Variants in NDRG2 observed in about 807,000 individuals in gnomAD.
NDRG2 encodes the protein NDRG family member 2.
In NDRG2, 34 loss-of-function variants were observed where a neutral mutation model predicts 58.2. The ratio of observed to expected loss-of-function variants is 0.58; its 90% CI spans 0.44 to 0.78. The LOEUF is 0.78. Ranked by LOEUF, NDRG2 falls within the 30% of genes least tolerant of loss-of-function variation. The pLI is 0.00. For missense variants in NDRG2, 434 were observed against 471.2 expected (o/e 0.92, Z 0.73); for synonymous variants, 187 against 175.9 (o/e 1.06, Z -0.50).
chr14:21,033,154 G>A, intron 1 of NDRG2: 1 of 375,404 alleles, frequency 2.7e-6, no homozygotes, highest in Non-Finnish European at 5.2e-6. Flanking sequence ...GAAAAAGGAA[G>A]GCAGGGTGAC....
At chr14:21,047,226 A>G (rs1341059457) in intron 1 of NDRG2, among the ~76,000 whole-genome samples, 1 of 152,216 alleles carries the variant, frequency 6.6e-6, no homozygotes. Flanking sequence ...ATAAATACCC[A>G]TTTATACTTC....
At chr14:21,047,121 ATT>A (rs1566499349) in intron 1 of NDRG2, among the ~76,000 whole-genome samples, 2 of 152,178 alleles carry the variant, frequency 1.3e-5, no homozygotes, top group East Asian at 3.8e-4. Context: ...CTAATTTCCT[ATT>A]TTTTAACCAT....
At chr14:21,019,545 C>T in intron 10 of NDRG2, 94 bp downstream of exon 10, 1 of 821,604 alleles carries the variant, frequency 1.2e-6, no homozygotes, top group Non-Finnish European at 2.0e-6. Context: ...TTGCACACTA[C>T]CCAGACTTCC....
At chr14:21,061,401 T>C (rs1885952381) in intron 1 of NDRG2, among the ~76,000 whole-genome samples, 1 of 152,164 alleles carries the variant, frequency 6.6e-6, no homozygotes, top group African/African-American at 2.4e-5. Context: ...TCTGACTTCC[T>C]TGTGTAGGCT....
chr14:21,030,661 A>G, upstream of NDRG2: 1 of 1,614,140 alleles, frequency 6.2e-7, no homozygotes, highest in South Asian at 1.1e-5. Context: ...GAAATGAACA[A>G]CAAGAACTTC....
chr14:21,022,894 T>C lies in NDRG2; in HGVS notation c.87A>G (p.Leu29=), dbSNP rs1566470856. Residue 29 remains leucine (L), a synonymous_variant, in exon 3 of 16, where the codon TTA becomes TTG. Coordinates refer to ENST00000556147, the MANE Select transcript of NDRG2 (RefSeq NM_001320329.2). ...QTPEAAKEAE[L]AARILLDQGQ... The stretch of plus-strand genomic sequence containing the variant: ...CCTGGTCCAGGAGGATTCGGGCAGC[T>C]AACTCAGCCTCCTGGAGAGACACAC... 3.7e-6 allele frequency: 6 copies of C among 1,614,018 alleles called. No homozygotes were observed. Among genetic ancestry groups the C allele is most frequent in the Non-Finnish European group, 5.1e-6 (6 of 1,179,968 alleles).
chr14:21,032,786 A>G (rs1274825171), intron 1 of NDRG2: 1 of 372,510 alleles, frequency 2.7e-6, no homozygotes, highest in East Asian at 7.4e-5. Context: ...GGTGCACTGA[A>G]GAAAAAGCAA....
chr14:21,027,394 C>T (rs1352969236), upstream of NDRG2, among the ~76,000 whole-genome samples: 1 of 152,000 alleles, frequency 6.6e-6, no homozygotes, highest in East Asian at 1.9e-4. Context: ...CATCTGGTCA[C>T]ACCCTCTCTA....
intron 11 of NDRG2, 123 bp from the exon 12 acceptor site, chr14:21,018,937 G>A: frequency 1.5e-6 from 2 of 1,342,460 alleles, no homozygotes; most frequent in Non-Finnish European, 2.1e-6. Context: ...GTGTCTCCCT[G>A]CTGATGCCAC....
chr14:21,023,083 C>T lies in NDRG2; in HGVS notation c.75+158G>A. On this transcript the variant is annotated intron_variant, in intron 2 of 15. Coordinates refer to ENST00000556147, the MANE Select transcript of NDRG2 (RefSeq NM_001320329.2). ...GGTTAGTGTAGTGACGAGACAAGGGCCTGACTCCCAATTATAGTGTATGGG... is the reference window on the plus strand; with the variant it reads ...GGTTAGTGTAGTGACGAGACAAGGGTCTGACTCCCAATTATAGTGTATGGG... The T allele has an allele frequency of 3.3e-6, 3 of 912,538 alleles. No homozygotes were observed. In the South Asian group the frequency reaches 4.6e-5, roughly 14 times the overall value. 56.5% of individuals were successfully genotyped at this position (912,538 alleles called of 1,614,324 possible).
chr14:21,022,686 T>C (rs953093314), intron 3 of NDRG2, 178 bp downstream of exon 3: 7 of 662,560 alleles, frequency 1.1e-5, no homozygotes, highest in Non-Finnish European at 1.8e-5. Flanking sequence ...GAAAGAATAA[T>C]GAAGATTAGA....
chr14:21,030,612 C>G (rs139355625), upstream of NDRG2: 1 of 1,613,894 alleles, frequency 6.2e-7, no homozygotes, highest in African/African-American at 1.3e-5. Flanking sequence ...AACATTCCAT[C>G]GGTTTGCTGC....
chr14:21,030,637 C>A (rs1884017186), upstream of NDRG2: 1 of 1,613,906 alleles, frequency 6.2e-7, no homozygotes. Context: ...GGAGAATCAT[C>A]AAGCAGTGGC....
intron 1 of NDRG2, among the ~76,000 whole-genome samples, chr14:21,048,772 A>T (rs1369903583): frequency 6.6e-6 from 1 of 152,200 alleles, no homozygotes; most frequent in Non-Finnish European, 1.5e-5. Context: ...TGATGAATGG[A>T]GCAGGCCTGA....
rs372594815 is a variant in NDRG2, at chr14:21,018,406, T to C, written c.861+51A>G. 5,711 of 1,611,808 alleles carry C rather than the reference T, an allele frequency of 3.5e-3. 15 individuals are homozygous for C. Among genetic ancestry groups the C allele is most frequent in the Non-Finnish European group, 4.5e-3 (5,307 of 1,179,046 alleles). ...GGGCCCTGGAGGCTTAGCAGCTGCA[T>C]GTAGAGAGGATATATGACTGTGGAC... On this transcript the variant is annotated intron_variant, in intron 13 of 15. Coordinates refer to ENST00000556147, the MANE Select transcript of NDRG2 (RefSeq NM_001320329.2).
rs745890871 is a variant in NDRG2 at position 21,021,818 on chromosome 14, T to G, written c.406A>C (p.Asn136His). The G allele has an allele frequency of 6.2e-7, 1 of 1,612,320 alleles. No individual in the cohort carries two copies. Among genetic ancestry groups the G allele is most frequent in the Admixed American group, 1.7e-5 (1 of 59,766 alleles). ...TGGAGGGGTTCCCAGGCCTCTCACT[T>G]TAGGTACTGCAGGACGCAAGGGATC... is the stretch of plus-strand genomic sequence containing the variant. ...DMIPCVLQYL[N>H]FSTIIGVGVG... Residue 136 changes from asparagine to histidine, a missense_variant and splice_region_variant, in exon 6 of 16, where the codon AAT becomes CAT. Physicochemically the swap from Asn to His is moderately conservative, Grantham distance 68. Coordinates refer to ENST00000556147, the MANE Select transcript of NDRG2 (RefSeq NM_001320329.2).
upstream of NDRG2, among the ~76,000 whole-genome samples, chr14:21,026,654 A>T (rs978823490): frequency 1.3e-5 from 2 of 151,842 alleles, no homozygotes; most frequent in African/African-American, 4.8e-5. Context: ...TCGGGCTAAA[A>T]CCCAGCCTTC....
chr14:21,022,524 T>C (rs1881119129), intron 3 of NDRG2, 27 bp from the exon 4 acceptor site: 1 of 1,566,472 alleles, frequency 6.4e-7, no homozygotes, highest in South Asian at 1.1e-5. Context: ...CACCAAGAGC[T>C]AGGCTCAGAG....
chr14:21,048,467 A>C (rs1335198777), intron 1 of NDRG2: 1 of 152,162 alleles, frequency 6.6e-6, no homozygotes, highest in Non-Finnish European at 1.5e-5. Context: ...CATCTATATA[A>C]GCTGATCTCA....
Sources: gnomAD v4.1 joint callset for allele counts (sites outside exome capture counted in the v4.1 genomes callset) on GRCh38, gnomAD v4.1.1 for gene constraint, MANE v1.5 for transcripts, NCBI Gene and HGNC (gene_info 2026-07-23, HGNC 2026-07-21) for gene names.